The following ATXN1 variants were observed in gnomAD, a reference collection of about 807,000 sequenced individuals.
ATXN1 encodes ataxin 1.
In ATXN1, 8 loss-of-function variants were observed where a neutral mutation model predicts 56.4. The ratio of observed to expected loss-of-function variants is 0.14; its 90% CI spans 0.08 to 0.26. ATXN1 has a LOEUF of 0.26. Ranked by LOEUF, ATXN1 falls within the 10% of genes least tolerant of loss-of-function variation. The pLI is 1.00. For missense variants in ATXN1, 987 were observed against 1,106.5 expected, an observed-to-expected ratio of 0.89 and a Z score of 1.53; for synonymous variants, 514 against 494.6, an observed-to-expected ratio of 1.04 and a Z score of -0.52.
At chr6:16,758,332 A>G (rs1209480604) in intron 1 of ATXN1, among the ~76,000 whole-genome samples, 1 of 152,206 alleles carries the variant, frequency 6.6e-6, no homozygotes, top group Non-Finnish European at 1.5e-5. Context: ...CAGACTGCAA[A>G]AGAAATGTTG....
chr6:16,488,125 G>A (rs2237189), intron 5 of ATXN1, among the ~76,000 whole-genome samples: 11,661 of 152,118 alleles, frequency 0.077, 616 homozygotes, highest in East Asian at 0.21. Flanking sequence ...TCGGTGAGAG[G>A]AACACCCCTG....
intron 6 of ATXN1, among the ~76,000 whole-genome samples, chr6:16,347,683 C>T (rs568658312): frequency 7.2e-5 from 11 of 152,182 alleles, no homozygotes; most frequent in South Asian, 6.2e-4. Flanking sequence ...CTAGTGGGGC[C>T]CTGGAGAACC....
intron 2 of ATXN1, among the ~76,000 whole-genome samples, chr6:16,742,669 G>C (rs1049045706): frequency 3.3e-5 from 5 of 152,168 alleles, no homozygotes; most frequent in Admixed American, 1.3e-4. Flanking sequence ...ACCACCAACA[G>C]TGCAACTTCG....
chr6:16,532,089 C>T (rs892501926), intron 4 of ATXN1, among the ~76,000 whole-genome samples: 5 of 152,110 alleles, frequency 3.3e-5, no homozygotes, highest in East Asian at 1.9e-4. Context: ...ACAGGCATGT[C>T]GGTGTTCCAA....
chr6:16,555,732 C>A (rs570154693), intron 4 of ATXN1, among the ~76,000 whole-genome samples: 1 of 152,316 alleles, frequency 6.6e-6, no homozygotes, highest in East Asian at 1.9e-4. Context: ...TCCCAAGCAA[C>A]AGGACGCATC....
At chr6:16,663,157 C>T (rs931044930) in intron 2 of ATXN1, among the ~76,000 whole-genome samples, 1 of 151,906 alleles carries the variant, frequency 6.6e-6, no homozygotes, top group East Asian at 1.9e-4. Flanking sequence ...TTAGTAGAGA[C>T]GGGGTTTCAC....
At chr6:16,471,157 T>C (rs1410111582) in intron 6 of ATXN1, among the ~76,000 whole-genome samples, 1 of 150,936 alleles carries the variant, frequency 6.6e-6, no homozygotes, top group Admixed American at 6.6e-5. Context: ...ATTCCAATAA[T>C]CTCCCTGCTA....
chr6:16,481,090 A>C (rs1760429740), intron 6 of ATXN1, among the ~76,000 whole-genome samples: 1 of 152,212 alleles, frequency 6.6e-6, no homozygotes. Flanking sequence ...AAACTCTAGA[A>C]GACTTGAAGC....
At chr6:16,380,906 G>A (rs1437980953) in intron 6 of ATXN1, among the ~76,000 whole-genome samples, 1 of 152,176 alleles carries the variant, frequency 6.6e-6, no homozygotes, top group Non-Finnish European at 1.5e-5. Flanking sequence ...AACTTACTTG[G>A]AAATAGGGTT....
chr6:16,628,862 G>A (rs555146927), intron 3 of ATXN1, among the ~76,000 whole-genome samples: 1 of 152,162 alleles, frequency 6.6e-6, no homozygotes, highest in African/African-American at 2.4e-5. Context: ...TGTCCAATCT[G>A]TCATTGATGG....
chr6:16,348,477 T>A (rs142510815), intron 6 of ATXN1, among the ~76,000 whole-genome samples: 100 of 152,020 alleles, frequency 6.6e-4, no homozygotes, highest in African/African-American at 2.3e-3. Flanking sequence ...GGGGGGCAGA[T>A]CATGTGAGAT....
intron 7 of ATXN1, among the ~76,000 whole-genome samples, chr6:16,316,865 CTTTTTT>C (rs375359789): frequency 0.085 from 8,429 of 99,382 alleles, 500 homozygotes; most frequent in Non-Finnish European, 0.11. Context: ...GACTGCCTGT[CTTTTTT>C]TTTTTTTTTT....
chr6:16,358,954 G>A (rs1364773511), intron 6 of ATXN1, among the ~76,000 whole-genome samples: 2 of 152,202 alleles, frequency 1.3e-5, no homozygotes, highest in African/African-American at 2.4e-5. Context: ...TTGTCAGGGC[G>A]GGAGCTCCCG....
chr6:16,336,062 G>A (rs1032802068), intron 6 of ATXN1, among the ~76,000 whole-genome samples: 3 of 152,134 alleles, frequency 2.0e-5, no homozygotes, highest in Admixed American at 1.3e-4. Context: ...TCCATTTATT[G>A]ATTACTTATT....
At chr6:16,583,814 T>C (rs905558841) in intron 4 of ATXN1, among the ~76,000 whole-genome samples, 4 of 152,110 alleles carry the variant, frequency 2.6e-5, no homozygotes, top group African/African-American at 9.7e-5. Context: ...ATTAAATCCA[T>C]TCAGAAGTAT....
chr6:16,301,233 A>G lies in ATXN1; in HGVS notation c.*5096T>C, dbSNP rs1677059098. On this transcript the variant is annotated 3_prime_UTR_variant, in exon 8 of 8. Transcript: ENST00000436367. ...TACTCCTCAAAGTGAGTGCTTCAAA[A>G]TTTTGTTTTCTTCAGCTTCTCAAAT... 6.6e-6 allele frequency: 1 copy of G among 152,590 alleles called. No individual in the cohort carries two copies. Among genetic ancestry groups the G allele is most frequent in the Admixed American group, 6.5e-5 (1 of 15,274 alleles). The allele number at this position is 152,590 out of a possible 1,614,324, so 9.5% of individuals were successfully genotyped here.
chr6:16,643,726 A>G (rs1253606204), intron 3 of ATXN1, among the ~76,000 whole-genome samples: 1 of 152,102 alleles, frequency 6.6e-6, no homozygotes, highest in Non-Finnish European at 1.5e-5. Flanking sequence ...GAGTTAAAAT[A>G]AAGTGAGGGG....
chr6:16,606,989 C>T (rs1004599482), intron 3 of ATXN1, among the ~76,000 whole-genome samples: 29 of 144,784 alleles, frequency 2.0e-4, no homozygotes, highest in South Asian at 4.5e-4. Context: ...CGGGTTCAAG[C>T]GATTCTCCTG....
chr6:16,465,962 A>C (rs561995503), intron 6 of ATXN1, among the ~76,000 whole-genome samples: 1 of 152,196 alleles, frequency 6.6e-6, no homozygotes, highest in Non-Finnish European at 1.5e-5. Flanking sequence ...CATAATTTCC[A>C]AGAAAAGTCA....
Sources: gnomAD v4.1 joint callset for allele counts (sites outside exome capture counted in the v4.1 genomes callset) on GRCh38, gnomAD v4.1.1 for gene constraint, MANE v1.5 for transcripts, NCBI Gene and HGNC (gene_info 2026-07-23, HGNC 2026-07-21) for gene names.